The following SGCB variants were observed in gnomAD, a reference collection of about 807,000 sequenced individuals.
The protein encoded by SGCB is beta-sarcoglycan.
Under a neutral mutation model 27.3 loss-of-function variants are expected in SGCB, and 25 were observed. The observed-to-expected ratio is 0.92, with a 90% CI of 0.67 to 1.28. The LOEUF (loss-of-function observed/expected upper bound fraction) is 1.28, where lower values mean the gene tolerates loss of function less well. SGCB is among the 50% of genes most tolerant of loss of function. The pLI is 0.00. For missense variants in SGCB, 436 were observed against 402.1 expected (o/e 1.08, Z -0.72); for synonymous variants, 147 against 133.5 (o/e 1.10, Z -0.70).
chr4:52,023,300 T>C lies in SGCB; in HGVS notation c.*657A>G, dbSNP rs1422597823. The C allele has an allele frequency of 6.6e-6, 1 of 152,596 alleles. No homozygotes were observed. The highest frequency in any genetic ancestry group is 1.9e-4 in the East Asian group (1 of 5,208). The allele number at this position is 152,596 out of a possible 1,614,324, so 9.5% of individuals were successfully genotyped here. A position where few individuals can be genotyped will look rare whatever the true frequency, so the allele number is the denominator to read the frequency against. ...AGATGCTCAATAAAGATAGTTATCA[T>C]TATTATTTAAAAGTTAAAGCTGAGA... On this transcript the variant is annotated 3_prime_UTR_variant, in exon 6 of 6. Transcript: ENST00000381431.
intron 1 of SGCB, 150 bp from the exon 2 acceptor site, chr4:52,033,790 C>A: frequency 1.4e-6 from 1 of 706,376 alleles, no homozygotes. Flanking sequence ...AGTTGCAGTT[C>A]CAAATAAGGG....
At chr4:52,034,790 T>C (rs1737343996) in intron 1 of SGCB, among the ~76,000 whole-genome samples, 1 of 152,116 alleles carries the variant, frequency 6.6e-6, no homozygotes, top group Non-Finnish European at 1.5e-5. Context: ...ACAAACCCTT[T>C]GGGGGGCTGT....
At chr4:52,032,085 T>C (rs1737263224) in intron 2 of SGCB, 1 of 390,560 alleles carries the variant, frequency 2.6e-6, no homozygotes, top group Non-Finnish European at 5.0e-6. Context: ...GAATCCTCTC[T>C]GGTCCAGTGT....
chr4:52,034,575 G>C (rs1039158938), intron 1 of SGCB, among the ~76,000 whole-genome samples: 1 of 151,938 alleles, frequency 6.6e-6, no homozygotes, highest in Non-Finnish European at 1.5e-5. Context: ...AGGGACTTGA[G>C]CATCAATGGA....
intron 3 of SGCB, among the ~76,000 whole-genome samples, chr4:52,029,288 C>G (rs563921636): frequency 7.2e-5 from 11 of 152,162 alleles, no homozygotes; most frequent in Non-Finnish European, 1.5e-4. Flanking sequence ...TTGGCATATT[C>G]TCTTCAAGAG....
Position 52,027,969 on chromosome 4 carries a change from G to T in SGCB, c.752C>A (p.Ala251Glu). Reference protein sequence around the residue: ...FHMGGNMELKAENSIILNGSV... With the variant: ...FHMGGNMELKEENSIILNGSV... ...TTAAGCTCTTAAAAGAATACTCACC[G>T]CCTTTAACTCCATATTACCACCCAT... The change falls in exon 5 of 6, where the codon GCG becomes GAG. Residue 251 changes from alanine (A) to glutamate (E), a missense_variant and splice_region_variant. Ala to Glu is a moderately radical substitution (Grantham distance 107). Coordinates refer to ENST00000381431, the MANE Select transcript of SGCB (RefSeq NM_000232.5). 1 of 1,613,278 alleles carries T rather than the reference G, an allele frequency of 6.2e-7. No individual in the cohort carries two copies. Among genetic ancestry groups the T allele is most frequent in the Non-Finnish European group, 8.5e-7 (1 of 1,179,440 alleles).
chr4:52,031,243 ACTC>A (rs1307740190), intron 2 of SGCB, among the ~76,000 whole-genome samples: 1 of 151,652 alleles, frequency 6.6e-6, no homozygotes, highest in African/African-American at 2.4e-5. Context: ...TCTTTCTGAA[ACTC>A]CTATTAACAG....
chr4:52,026,734 T>C (rs1737107219), intron 5 of SGCB, among the ~76,000 whole-genome samples: 1 of 152,252 alleles, frequency 6.6e-6, no homozygotes, highest in Admixed American at 6.5e-5. Context: ...TGTGTATATG[T>C]ATATTTCAAA....
At chr4:52,026,729 A>G (rs1737106995) in intron 5 of SGCB, among the ~76,000 whole-genome samples, 1 of 152,214 alleles carries the variant, frequency 6.6e-6, no homozygotes, top group Admixed American at 6.5e-5. Flanking sequence ...TGATATGTGT[A>G]TATGTATATT....
rs1737058792 is a variant in SGCB, at chr4:52,025,249, G to A, written c.754-1089C>T. ...GAACAGTAAAACACATAAGACATCA[G>A]GTGGGATAAATGCTATGAGGAGAAA... On this transcript the variant is annotated intron_variant, in intron 5 of 5. Coordinates refer to ENST00000381431, the MANE Select transcript of SGCB (RefSeq NM_000232.5). 2.0e-5 allele frequency among the ~76,000 whole-genome samples: 3 copies of A among 152,282 alleles called. No homozygotes were observed. The South Asian group carries it at 6.2e-4, about 32-fold the overall frequency.
At chr4:52,024,827 C>CA (rs3050627) in intron 5 of SGCB, among the ~76,000 whole-genome samples, 695 of 55,840 alleles carry the variant, frequency 0.012, 43 homozygotes, top group Middle Eastern at 0.022. Context: ...GACACTGTCT[C>CA]AAAAAAAAAA....
At chr4:52,037,518 A>G (rs149145076) in intron 1 of SGCB, among the ~76,000 whole-genome samples, 1 of 152,336 alleles carries the variant, frequency 6.6e-6, no homozygotes, top group African/African-American at 2.4e-5. Flanking sequence ...ATTACAATAA[A>G]TCACCCTAGC....
chr4:52,021,194 G>GC lies in SGCB; in HGVS notation c.*2762dup, dbSNP rs1470539059. 6.6e-6 allele frequency: 1 copy of GC among 152,016 alleles called. No individual in the cohort carries two copies. Among genetic ancestry groups the GC allele is most frequent in the Non-Finnish European group, 1.5e-5 (1 of 68,028 alleles). The allele number at this position is 152,016 out of a possible 1,614,324, so 9.4% of individuals were successfully genotyped here. A position where few individuals can be genotyped will look rare whatever the true frequency, so the allele number is the denominator to read the frequency against. ...GTAATTGAAACTAGCATGTACCTGCGCCCCCTCCCGGGGTCCTATCTTTGT... is the reference window on the plus strand; with the variant it reads ...GTAATTGAAACTAGCATGTACCTGCGCCCCCCTCCCGGGGTCCTATCTTTGT... On this transcript the variant is annotated 3_prime_UTR_variant, in exon 6 of 6. Coordinates refer to ENST00000381431, the MANE Select transcript of SGCB (RefSeq NM_000232.5).
intron 1 of SGCB, among the ~76,000 whole-genome samples, chr4:52,034,908 T>C (rs2109377725): frequency 6.6e-6 from 1 of 152,362 alleles, no homozygotes; most frequent in Admixed American, 6.5e-5. Flanking sequence ...ACAGAATGTA[T>C]GCTTGTATAG....
At position 52,038,293 on chromosome 4, in the gene SGCB, C is replaced by A; in HGVS notation, c.-34G>T. The A allele has an allele frequency of 7.8e-7, 1 of 1,280,538 alleles. No individual in the cohort carries two copies. 79.3% of individuals were successfully genotyped at this position (1,280,538 alleles called of 1,614,324 possible). The stretch of plus-strand genomic sequence containing the variant: ...GCCCGCCGCCGCCGAGCTCCCCGCC[C>A]GACTGTGCCCGCCCCTCCGCGACCG... On this transcript the variant is annotated 5_prime_UTR_variant, in exon 1 of 6. Transcript: ENST00000381431.
intron 5 of SGCB, among the ~76,000 whole-genome samples, chr4:52,027,195 TC>T (rs1485278291): frequency 2.6e-5 from 4 of 152,174 alleles, no homozygotes; most frequent in African/African-American, 9.7e-5. Context: ...CAAATTTAAT[TC>T]GCTTTAATTA....
chr4:52,035,628 G>A (rs1489783047), intron 1 of SGCB, among the ~76,000 whole-genome samples: 2 of 152,208 alleles, frequency 1.3e-5, no homozygotes, highest in Non-Finnish European at 2.9e-5. Flanking sequence ...CGAGAGAGAA[G>A]AAAGAGGAGT....
chr4:52,035,266 C>T (rs937146269), intron 1 of SGCB, among the ~76,000 whole-genome samples: 7 of 152,162 alleles, frequency 4.6e-5, no homozygotes, highest in Non-Finnish European at 2.9e-5. Context: ...GGAAAGGGTC[C>T]TTATCCTCTA....
rs1239417082 is a variant in SGCB, at chr4:52,038,266, G to C, written c.-7C>G. The stretch of plus-strand genomic sequence containing the variant: ...CCGCCGCCGCTGCCGCCATCTTCCC[G>C]CGCCCGCCGCCGCCGAGCTCCCCGC... On this transcript the variant is annotated 5_prime_UTR_variant, in exon 1 of 6. Transcript: ENST00000381431. 9.3e-6 allele frequency: 12 copies of C among 1,294,522 alleles called. No individual in the cohort carries two copies. Among genetic ancestry groups the C allele is most frequent in the Non-Finnish European group, 1.2e-5 (12 of 1,019,040 alleles). The allele number at this position is 1,294,522 out of a possible 1,614,324, so 80.2% of individuals were successfully genotyped here. A position where few individuals can be genotyped will look rare whatever the true frequency, so the allele number is the denominator to read the frequency against.
Sources: allele counts gnomAD v4.1 joint callset (sites outside exome capture counted in the v4.1 genomes callset), GRCh38; gene constraint gnomAD v4.1.1; transcripts MANE v1.5; gene names NCBI Gene and HGNC (gene_info 2026-07-23, HGNC 2026-07-21).